Variants in PCDHAC1 observed in about 807,000 individuals in gnomAD.
PCDHAC1 encodes protocadherin alpha-C1.
In PCDHAC1, 42 loss-of-function variants were observed where a neutral mutation model predicts 60.0. The ratio of observed to expected loss-of-function variants is 0.70; its 90% CI spans 0.55 to 0.90. PCDHAC1 has a LOEUF of 0.90. PCDHAC1 is among the 40% of genes least tolerant of loss of function. PCDHAC1 has a pLI of 0.00. For synonymous variants in PCDHAC1, 468 were observed against 499.3 expected (o/e 0.94, Z 0.84); for missense variants, 1,160 against 1,222.3 (o/e 0.95, Z 0.76).
At chr5:140,971,844 C>T (rs1209652703) in intron 1 of PCDHAC1, among the ~76,000 whole-genome samples, 2 of 151,920 alleles carry the variant, frequency 1.3e-5, no homozygotes, top group African/African-American at 2.4e-5. Flanking sequence ...GCAAGTCATG[C>T]GTTAAATATT....
At chr5:140,944,642 T>C (rs535941591) in intron 1 of PCDHAC1, among the ~76,000 whole-genome samples, 35 of 152,342 alleles carry the variant, frequency 2.3e-4, no homozygotes, top group African/African-American at 7.9e-4. Context: ...CCAGTGTGGA[T>C]TGGGAGTCCA....
At chr5:140,934,245 T>C (rs2089728870) in intron 1 of PCDHAC1, among the ~76,000 whole-genome samples, 1 of 152,158 alleles carries the variant, frequency 6.6e-6, no homozygotes, top group Non-Finnish European at 1.5e-5. Context: ...ATTGTGGAGA[T>C]TTATCAAAAT....
At chr5:140,991,109 C>A (rs987847767) in intron 3 of PCDHAC1, among the ~76,000 whole-genome samples, 1 of 152,156 alleles carries the variant, frequency 6.6e-6, no homozygotes, top group Non-Finnish European at 1.5e-5. Flanking sequence ...AATTAAGTGG[C>A]TTTCTTACAT....
chr5:140,987,433 T>C (rs2097253895), intron 3 of PCDHAC1, among the ~76,000 whole-genome samples: 1 of 152,108 alleles, frequency 6.6e-6, no homozygotes. Flanking sequence ...CAGGGGGCCT[T>C]TCCCCATGCC....
chr5:140,940,841 C>T (rs246072), intron 1 of PCDHAC1, among the ~76,000 whole-genome samples: 86,358 of 151,986 alleles, frequency 0.57, 25,200 homozygotes, highest in African/African-American at 0.71. Context: ...CCTTTCTTCA[C>T]GATAGATTTT....
intron 1 of PCDHAC1, among the ~76,000 whole-genome samples, chr5:140,963,581 G>A (rs2095775682): frequency 6.6e-6 from 1 of 152,210 alleles, no homozygotes; most frequent in Non-Finnish European, 1.5e-5. Flanking sequence ...TTCTCAAAAT[G>A]TAGGATATAG....
chr5:140,993,346 G>A (rs2097551194), intron 3 of PCDHAC1, among the ~76,000 whole-genome samples: 2 of 151,820 alleles, frequency 1.3e-5, no homozygotes, highest in Non-Finnish European at 1.5e-5. Context: ...AGGGCACTAC[G>A]AAGATCCTCA....
intron 1 of PCDHAC1, among the ~76,000 whole-genome samples, chr5:140,973,301 A>C (rs1469183006): frequency 1.3e-5 from 2 of 152,034 alleles, no homozygotes; most frequent in Admixed American, 6.6e-5. Context: ...CTATCTGATG[A>C]CTCTATCCTG....
intron 1 of PCDHAC1, among the ~76,000 whole-genome samples, chr5:140,950,215 T>C (rs2094460409): frequency 6.6e-6 from 1 of 152,030 alleles, no homozygotes; most frequent in Non-Finnish European, 1.5e-5. Flanking sequence ...TACCTAGTCA[T>C]TTACCATTTC....
At chr5:140,940,611 C>T (rs782735444) in intron 1 of PCDHAC1, among the ~76,000 whole-genome samples, 1 of 152,144 alleles carries the variant, frequency 6.6e-6, no homozygotes. Flanking sequence ...CTGCTCCTGG[C>T]TCCTGCAAAT....
At chr5:140,994,998 G>A (rs2097659261) in intron 3 of PCDHAC1, among the ~76,000 whole-genome samples, 1 of 152,150 alleles carries the variant, frequency 6.6e-6, no homozygotes, top group African/African-American at 2.4e-5. Context: ...AGGTTAGTTG[G>A]TTTGTTTATA....
chr5:140,966,490 T>C lies in PCDHAC1; in HGVS notation c.2434-12459T>C, dbSNP rs533525977. 6.2e-5 allele frequency: 27 copies of C among 438,082 alleles called. No individual in the cohort carries two copies. In the Admixed American group the frequency reaches 1.1e-3, roughly 18 times the overall value. The allele number at this position is 438,082 out of a possible 1,614,324, so 27.1% of individuals were successfully genotyped here. On this transcript the variant is annotated intron_variant, in intron 1 of 3. Coordinates refer to ENST00000253807, the MANE Select transcript of PCDHAC1 (RefSeq NM_018898.5). ...CCTTCTGTTTCCTTTTCCCTCCCCC[T>C]GGAGCTGTAGCGGCAGCAGCAGCAG... is the stretch of plus-strand genomic sequence containing the variant.
chr5:140,983,239 C>CCTGCTAAGTTGTGTAAAAAA (rs1261909895), intron 3 of PCDHAC1, among the ~76,000 whole-genome samples: 1 of 152,176 alleles, frequency 6.6e-6, no homozygotes, highest in Non-Finnish European at 1.5e-5. Flanking sequence ...GGAAAGAGAA[C>CCTGCTAAGTTGTGTAAAAAA]CTGCTAAGTT....
chr5:140,963,300 TAAG>T (rs1387833703), intron 1 of PCDHAC1, among the ~76,000 whole-genome samples: 2 of 152,120 alleles, frequency 1.3e-5, no homozygotes, highest in African/African-American at 4.8e-5. Flanking sequence ...GGAGAGAAAA[TAAG>T]AAGCTGTTTG....
intron 1 of PCDHAC1, among the ~76,000 whole-genome samples, chr5:140,961,483 G>A (rs1365864551): frequency 6.6e-6 from 1 of 152,090 alleles, no homozygotes; most frequent in Non-Finnish European, 1.5e-5. Context: ...TCTTGTCCAC[G>A]TGAGTATATT....
chr5:140,997,087 T>C (rs1218654416), intron 3 of PCDHAC1, among the ~76,000 whole-genome samples: 4 of 152,156 alleles, frequency 2.6e-5, no homozygotes, highest in Non-Finnish European at 5.9e-5. Flanking sequence ...GAGTAGAAAG[T>C]GCAGAGTTCT....
In PCDHAC1 at chr5:141,009,853, G is replaced by A. The variant is rs1482682626; in HGVS notation, c.2808G>A (p.Lys936=). The change falls in exon 4 of 4, where the codon AAG becomes AAA. Residue 936 remains lysine (K), a synonymous_variant. Transcript: ENST00000253807. ...FITFGKKEET[K]KKKKKKKGNK... ...CCTTCGGCAAAAAGGAGGAGACCAAGAAAAAGAAGAAAAAGAAGAAGGGTA... is the reference window on the plus strand; with the variant it reads ...CCTTCGGCAAAAAGGAGGAGACCAAAAAAAAGAAGAAAAAGAAGAAGGGTA... 12 of 1,613,590 alleles carry A rather than the reference G, an allele frequency of 7.4e-6. No individual in the cohort carries two copies. Among genetic ancestry groups the A allele is most frequent in the Non-Finnish European group, 1.0e-5 (12 of 1,179,924 alleles).
intron 2 of PCDHAC1, among the ~76,000 whole-genome samples, chr5:140,980,631 A>G (rs1272240071): frequency 6.6e-6 from 1 of 152,222 alleles, no homozygotes; most frequent in Non-Finnish European, 1.5e-5. Flanking sequence ...TCTGTCTCAG[A>G]AGAATAAATA....
intron 3 of PCDHAC1, among the ~76,000 whole-genome samples, chr5:140,994,726 G>T (rs774837274): frequency 3.0e-4 from 45 of 151,958 alleles, no homozygotes; most frequent in Non-Finnish European, 3.7e-4. Flanking sequence ...TAAAATACTG[G>T]GTATTGCAGG....
Sources: gnomAD v4.1 joint callset for allele counts (sites outside exome capture counted in the v4.1 genomes callset) on GRCh38, gnomAD v4.1.1 for gene constraint, MANE v1.5 for transcripts, NCBI Gene and HGNC (gene_info 2026-07-23, HGNC 2026-07-21) for gene names.